The following ESR1 variants were observed in gnomAD, a reference collection of about 807,000 sequenced individuals.
The protein encoded by ESR1 is estrogen receptor.
A neutral mutation model predicts 52.7 loss-of-function variants in ESR1; 12 were observed. That is an observed-to-expected ratio of 0.23 (90% CI 0.15 to 0.37). The LOEUF (loss-of-function observed/expected upper bound fraction) is 0.37, where lower values mean the gene tolerates loss of function less well. Among genes scored for constraint, ESR1 ranks in the 10% least tolerant of loss-of-function variants. The probability of loss-of-function intolerance (pLI) is 1.00; values close to 1 mark genes in which losing one functional copy is unlikely to be tolerated. For synonymous variants in ESR1, 305 were observed against 316.8 expected (o/e 0.96, Z 0.39); for missense variants, 584 against 779.7 (o/e 0.75, Z 2.99).
chr6:151,871,241 A>G (rs941063560), intron 2 of ESR1, among the ~76,000 whole-genome samples: 3 of 151,890 alleles, frequency 2.0e-5, no homozygotes, highest in Non-Finnish European at 2.9e-5. Flanking sequence ...TTAAAAATAT[A>G]TATATTAAAA....
intron 1 of ESR1, among the ~76,000 whole-genome samples, chr6:151,818,258 A>G (rs1779988907): frequency 6.6e-6 from 1 of 152,172 alleles, no homozygotes; most frequent in Non-Finnish European, 1.5e-5. Context: ...CAAGTCTTCA[A>G]AATCTCAGAG....
chr6:151,880,199 T>TTTC (rs1438036789), intron 2 of ESR1, among the ~76,000 whole-genome samples: 1 of 145,048 alleles, frequency 6.9e-6, no homozygotes, highest in Non-Finnish European at 1.5e-5. Context: ...TTTTTTTTTT[T>TTTC]TGAGATGGAT....
At position 151,659,000 on chromosome 6, in the gene ESR1, C is replaced by G. The variant is rs544445072; in HGVS notation, n.73+2237C>G. On this transcript the variant is annotated intron_variant and non_coding_transcript_variant, in intron 1 of 2. Transcript: ENST00000473497. ...CTCGGGGAGCCTAAACCAAGATATGCTAAGGCAAGTTTTTTTGCTCGTTTG... is the reference window on the plus strand; with the variant it reads ...CTCGGGGAGCCTAAACCAAGATATGGTAAGGCAAGTTTTTTTGCTCGTTTG... Among the ~76,000 whole-genome samples, 5 of 152,242 alleles carry G rather than the reference C, an allele frequency of 3.3e-5. No homozygotes were observed. The East Asian group carries it at 9.7e-4, about 29-fold the overall frequency.
intron 1 of ESR1, among the ~76,000 whole-genome samples, chr6:151,827,020 G>A (rs1426955317): frequency 6.6e-6 from 1 of 152,070 alleles, no homozygotes; most frequent in Admixed American, 6.6e-5. Context: ...AGCATGGCTG[G>A]CACGGAGTAA....
chr6:151,827,344 CAAAAA>C (rs11407983), intron 1 of ESR1, among the ~76,000 whole-genome samples: 3 of 75,870 alleles, frequency 4.0e-5, no homozygotes, highest in African/African-American at 1.2e-4. Context: ...GACCCTGTCT[CAAAAA>C]AAAAAAAAAA....
At chr6:152,085,943 C>T (rs932438844) in intron 6 of ESR1, among the ~76,000 whole-genome samples, 4 of 152,172 alleles carry the variant, frequency 2.6e-5, no homozygotes, top group African/African-American at 9.7e-5. Context: ...GCAAGAGAGG[C>T]TTCCTGCTCT....
intron 1 of ESR1, among the ~76,000 whole-genome samples, chr6:151,693,738 C>T (rs1779115744): frequency 6.6e-6 from 1 of 152,212 alleles, no homozygotes; most frequent in African/African-American, 2.4e-5. Flanking sequence ...CTGCCTCAGC[C>T]TCCAGAGTAG....
chr6:151,657,759 G>A (rs1276486663), intron 1 of ESR1, among the ~76,000 whole-genome samples: 1 of 152,104 alleles, frequency 6.6e-6, no homozygotes, highest in Non-Finnish European at 1.5e-5. Context: ...TATGTATCCA[G>A]CTTTCAAAAA....
At position 152,080,551 on chromosome 6, in the gene ESR1, T is replaced by A. The variant is rs142885204; in HGVS notation, c.1370-13834T>A. On this transcript the variant is annotated intron_variant, in intron 6 of 7. Transcript: ENST00000206249. ...ACAGTACCAGCCACTGCAAAAACAT[T>A]CCAAATTGTAAAGACCATCGACGCT... Among the ~76,000 whole-genome samples the A allele has an allele frequency of 3.5e-3, 527 of 152,108 alleles. 4 individuals carry two copies. Among genetic ancestry groups the A allele is most frequent in the African/African-American group, 0.012 (499 of 41,492 alleles).
chr6:152,056,473 TTTTTG>T, intron 5 of ESR1, among the ~76,000 whole-genome samples: 1 of 152,218 alleles, frequency 6.6e-6, no homozygotes, highest in Non-Finnish European at 1.5e-5. Flanking sequence ...GTAAGGCATA[TTTTTG>T]AAGATATACA....
In ESR1 at chr6:152,099,015, C is replaced by T. The variant is rs145244055; in HGVS notation, c.*49C>T. The T allele has an allele frequency of 2.5e-4, 375 of 1,497,688 alleles. 1 individual carries two copies. Among genetic ancestry groups the T allele is most frequent in the South Asian group, 1.2e-3 (103 of 87,476 alleles). 92.8% of individuals were successfully genotyped at this position (1,497,688 alleles called of 1,614,324 possible). A position where few individuals can be genotyped will look rare whatever the true frequency, so the allele number is the denominator to read the frequency against. On this transcript the variant is annotated 3_prime_UTR_variant, in exon 8 of 8. Transcript: ENST00000206249. ...TCAGATAATCCCTGCTGCATTTTACCCTCATCATGCACCACTTTAGCCAAA... is the reference window on the plus strand; with the variant it reads ...TCAGATAATCCCTGCTGCATTTTACTCTCATCATGCACCACTTTAGCCAAA...
chr6:151,728,127 C>T (rs1232511590), intron 2 of ESR1, among the ~76,000 whole-genome samples: 1 of 152,138 alleles, frequency 6.6e-6, no homozygotes, highest in African/African-American at 2.4e-5. Context: ...TGGACTCAGG[C>T]TGCCTGGTTT....
At chr6:151,921,234 T>C (rs2031597707) in intron 3 of ESR1, among the ~76,000 whole-genome samples, 2 of 152,180 alleles carry the variant, frequency 1.3e-5, no homozygotes, top group Admixed American at 1.3e-4. Flanking sequence ...GGCTTCCAGC[T>C]CCATCCATGT....
At chr6:151,937,182 T>C (rs1050072944) in intron 3 of ESR1, among the ~76,000 whole-genome samples, 7 of 152,278 alleles carry the variant, frequency 4.6e-5, no homozygotes, top group Admixed American at 3.9e-4. Flanking sequence ...GCTTTTAAAA[T>C]GTAAAATAAA....
intron 3 of ESR1, among the ~76,000 whole-genome samples, chr6:151,914,432 C>T (rs1798731132): frequency 6.6e-6 from 1 of 152,156 alleles, no homozygotes; most frequent in African/African-American, 2.4e-5. Flanking sequence ...CTATCATATT[C>T]AGGTGACTGC....
intron 2 of ESR1, among the ~76,000 whole-genome samples, chr6:151,860,429 T>C (rs113586399): frequency 7.2e-5 from 11 of 152,290 alleles, no homozygotes; most frequent in African/African-American, 2.6e-4. Context: ...TTCTCCACTA[T>C]TCCATGCCTG....
chr6:151,780,327 T>C (rs1402314552), intron 2 of ESR1, among the ~76,000 whole-genome samples: 1 of 151,940 alleles, frequency 6.6e-6, no homozygotes, highest in Non-Finnish European at 1.5e-5. Flanking sequence ...CTGCACATTC[T>C]GCACATGTAT....
intron 4 of ESR1, among the ~76,000 whole-genome samples, chr6:151,953,711 TAA>T (rs796967381): frequency 4.2e-5 from 6 of 142,318 alleles, no homozygotes; most frequent in Admixed American, 7.0e-5. Context: ...AGACTCCGTC[TAA>T]AAAAAAAAAA....
intron 2 of ESR1, among the ~76,000 whole-genome samples, chr6:151,757,296 C>T (rs1234389377): frequency 6.6e-6 from 1 of 152,012 alleles, no homozygotes; most frequent in Non-Finnish European, 1.5e-5. Context: ...TTAACTCTGA[C>T]CTTAGAAGAC....
Sources: allele counts gnomAD v4.1 joint callset (sites outside exome capture counted in the v4.1 genomes callset), GRCh38; gene constraint gnomAD v4.1.1; transcripts MANE v1.5; gene names NCBI Gene and HGNC (gene_info 2026-07-23, HGNC 2026-07-21).